Variants in PLEK2 observed in about 807,000 individuals in gnomAD.
PLEK2 encodes pleckstrin 2.
A neutral mutation model predicts 43.8 loss-of-function variants in PLEK2; 29 were observed. That is an observed-to-expected ratio of 0.66 (90% CI 0.49 to 0.90). The LOEUF is 0.90. Ranked by LOEUF, PLEK2 falls within the 40% of genes least tolerant of loss-of-function variation. The probability of loss-of-function intolerance (pLI) is 0.00; values close to 1 mark genes in which losing one functional copy is unlikely to be tolerated. For synonymous variants in PLEK2, 162 were observed against 173.2 expected (o/e 0.94, Z 0.51); for missense variants, 398 against 448.1 (o/e 0.89, Z 1.01).
chr14:67,393,489 C>T (rs771356839), intron 3 of PLEK2, among the ~76,000 whole-genome samples: 4 of 152,016 alleles, frequency 2.6e-5, no homozygotes, highest in Admixed American at 6.5e-5. Flanking sequence ...AGTCTCGCTC[C>T]GTCACCCAGG....
intron 8 of PLEK2, among the ~76,000 whole-genome samples, chr14:67,387,662 C>T (rs972534157): frequency 6.6e-6 from 1 of 152,194 alleles, no homozygotes; most frequent in Non-Finnish European, 1.5e-5. Flanking sequence ...TAAGGCCTTC[C>T]AATGGTTATG....
chr14:67,404,669 G>C (rs2086067960), intron 1 of PLEK2, among the ~76,000 whole-genome samples: 2 of 151,524 alleles, frequency 1.3e-5, no homozygotes, highest in Admixed American at 6.6e-5. Flanking sequence ...AATTAGTCAG[G>C]TGTGGTGACA....
At chr14:67,397,179 T>A (rs1485942652) in intron 2 of PLEK2, among the ~76,000 whole-genome samples, 3 of 152,182 alleles carry the variant, frequency 2.0e-5, no homozygotes, top group Admixed American at 6.5e-5. Flanking sequence ...CCGCAAGCAA[T>A]CTGCCCATCT....
In PLEK2 at chr14:67,395,131, C is replaced by T. The variant is rs2085997259; in HGVS notation, c.389+271G>A. 2.6e-5 allele frequency among the ~76,000 whole-genome samples: 4 copies of T among 152,288 alleles called. No homozygotes were observed. In the South Asian group the frequency reaches 8.3e-4, roughly 32 times the overall value. On this transcript the variant is annotated intron_variant, in intron 3 of 8. Coordinates refer to ENST00000216446, the MANE Select transcript of PLEK2 (RefSeq NM_016445.3). ...TGTGACACAGCCCTGAGCACCCTGG[C>T]TGAAATGGAATGGGGGTCTTGTGTC...
At position 67,395,570 on chromosome 14, in the gene PLEK2, A is replaced by G; in HGVS notation, c.221T>C (p.Leu74Pro). The G allele has an allele frequency of 6.2e-7, 1 of 1,614,132 alleles. No homozygotes were observed. The change falls in exon 3 of 9, where the codon CTG (leucine) becomes CCG (proline). Residue 74 changes from leucine to proline, a missense_variant. Leu to Pro is a moderately conservative substitution (Grantham distance 98). Transcript: ENST00000216446. ...EYENRPLLIK[L>P]KTQTSTEYFL... is the part of the protein sequence containing the mutation. ...GTACTCCGTGGATGTTTGAGTCTTCAGCTTAATGAGGAGCTGTGGGAAGAG... is the reference window on the plus strand; with the variant it reads ...GTACTCCGTGGATGTTTGAGTCTTCGGCTTAATGAGGAGCTGTGGGAAGAG...
intron 5 of PLEK2, 61 bp downstream of exon 5, chr14:67,392,601 T>C (rs1223012008): frequency 6.8e-7 from 1 of 1,480,784 alleles, no homozygotes; most frequent in African/African-American, 1.4e-5. Flanking sequence ...CAGGCCCCCA[T>C]TCTGTTGTGT....
intron 1 of PLEK2, among the ~76,000 whole-genome samples, chr14:67,406,032 G>A: frequency 6.6e-6 from 1 of 152,122 alleles, no homozygotes; most frequent in Middle Eastern, 3.2e-3. Context: ...CTGAGGGCAG[G>A]TAGATCACTT....
intron 1 of PLEK2, among the ~76,000 whole-genome samples, chr14:67,402,535 AT>A (rs2086055563): frequency 6.6e-6 from 1 of 152,020 alleles, no homozygotes; most frequent in Non-Finnish European, 1.5e-5. Context: ...TTTCTAATTA[AT>A]TTTTTTGTAC....
chr14:67,402,063 G>A (rs1042856257), intron 1 of PLEK2, among the ~76,000 whole-genome samples: 6 of 152,148 alleles, frequency 3.9e-5, no homozygotes, highest in Non-Finnish European at 7.4e-5. Context: ...CTCAGGAGGC[G>A]GAGTTTGCAG....
intron 1 of PLEK2, among the ~76,000 whole-genome samples, chr14:67,408,290 A>G (rs1460755662): frequency 6.9e-5 from 10 of 144,240 alleles, no homozygotes; most frequent in Non-Finnish European, 1.5e-4. Flanking sequence ...CGGTCTCAAA[A>G]TAAATAAATA....
chr14:67,408,555 A>G (rs1225674430), intron 1 of PLEK2, among the ~76,000 whole-genome samples: 1 of 152,126 alleles, frequency 6.6e-6, no homozygotes, highest in Non-Finnish European at 1.5e-5. Flanking sequence ...GTGTCCTTAT[A>G]GGAAGAGGAA....
intron 1 of PLEK2, among the ~76,000 whole-genome samples, chr14:67,406,961 A>G (rs181358783): frequency 1.1e-3 from 165 of 152,250 alleles, no homozygotes; most frequent in African/African-American, 3.8e-3. Flanking sequence ...GGCTGGAACC[A>G]GAGGCCAGCT....
intron 5 of PLEK2, 34 bp downstream of exon 5, chr14:67,392,628 C>T (rs745577625): frequency 6.3e-7 from 1 of 1,580,778 alleles, no homozygotes; most frequent in South Asian, 1.1e-5. Context: ...TAACTTTTGC[C>T]CTGGTGGCAA....
At chr14:67,406,258 CAA>C (rs56885080) in intron 1 of PLEK2, among the ~76,000 whole-genome samples, 2,881 of 107,182 alleles carry the variant, frequency 0.027, 100 homozygotes, top group African/African-American at 0.077. Flanking sequence ...GATTCCATCT[CAA>C]AAAAAAAAAA....
At chr14:67,393,392 A>C (rs529325661) in intron 3 of PLEK2, 151 bp from the exon 4 acceptor site, 1 of 682,176 alleles carries the variant, frequency 1.5e-6, no homozygotes, top group Non-Finnish European at 2.7e-6. Flanking sequence ...CAGCCTTTTG[A>C]ATGGCAAGAG....
At chr14:67,398,856 C>T (rs113376767) in intron 1 of PLEK2, among the ~76,000 whole-genome samples, 16 of 152,292 alleles carry the variant, frequency 1.1e-4, no homozygotes, top group African/African-American at 3.6e-4. Flanking sequence ...CCACCATGCC[C>T]GGTCCCTGTT....
intron 2 of PLEK2, 72 bp from the exon 3 acceptor site, chr14:67,395,655 G>A: frequency 7.3e-7 from 1 of 1,368,320 alleles, no homozygotes; most frequent in Admixed American, 1.8e-5. Context: ...AAAAATGACG[G>A]GGCCCCGGGA....
intron 7 of PLEK2, among the ~76,000 whole-genome samples, chr14:67,389,421 G>A (rs372955002): frequency 5.4e-4 from 82 of 152,014 alleles, no homozygotes; most frequent in Non-Finnish European, 9.3e-4. Context: ...AGTAAAGTGC[G>A]GAACAAATTA....
At chr14:67,389,766 GT>G (rs965138099) in intron 7 of PLEK2, among the ~76,000 whole-genome samples, 4 of 144,564 alleles carry the variant, frequency 2.8e-5, no homozygotes, top group Admixed American at 6.8e-5. Context: ...AAACTAAAGT[GT>G]TTTTTTTCTT....
Sources: gnomAD v4.1 joint callset for allele counts (sites outside exome capture counted in the v4.1 genomes callset) on GRCh38, gnomAD v4.1.1 for gene constraint, MANE v1.5 for transcripts, NCBI Gene and HGNC (gene_info 2026-07-23, HGNC 2026-07-21) for gene names.